CPEB3: variants seen among roughly 807,000 people sequenced by gnomAD.
CPEB3 encodes the protein cytoplasmic polyadenylation element binding protein 3.
Under a neutral mutation model 67.2 loss-of-function variants are expected in CPEB3, and 20 were observed. The ratio of observed to expected loss-of-function variants is 0.30; its 90% CI spans 0.21 to 0.43. The LOEUF is 0.43. Ranked by LOEUF, CPEB3 falls within the 20% of genes least tolerant of loss-of-function variation. The pLI is 1.00. For synonymous variants in CPEB3, 376 were observed against 393.1 expected (o/e 0.96, Z 0.51); for missense variants, 746 against 968.6 (o/e 0.77, Z 3.05).
intron 4 of CPEB3, among the ~76,000 whole-genome samples, chr10:92,155,711 T>C (rs537514475): frequency 2.6e-5 from 4 of 152,300 alleles, no homozygotes; most frequent in Non-Finnish European, 5.9e-5. Flanking sequence ...TCTTCTTCAT[T>C]TACACCTATC....
chr10:92,219,647 AT>A (rs1474108778), intron 2 of CPEB3, among the ~76,000 whole-genome samples: 4 of 152,240 alleles, frequency 2.6e-5, no homozygotes, highest in African/African-American at 9.6e-5. Flanking sequence ...ACCTTGTGTT[AT>A]ACCTGCATGA....
At chr10:92,215,332 T>C (rs1351103295) in intron 2 of CPEB3, among the ~76,000 whole-genome samples, 3 of 149,758 alleles carry the variant, frequency 2.0e-5, no homozygotes, top group Non-Finnish European at 4.4e-5. Context: ...TTTCGCATTT[T>C]TAGTAGAGAT....
chr10:92,181,367 C>CAAAAAAAAAAAAAA (rs55896574), intron 3 of CPEB3, among the ~76,000 whole-genome samples: 1 of 95,424 alleles, frequency 1.0e-5, no homozygotes, highest in African/African-American at 4.3e-5. Context: ...ATTCAAGCAG[C>CAAAAAAAAAAAAAA]AAAAAAAAAA....
intron 1 of CPEB3, among the ~76,000 whole-genome samples, chr10:92,252,896 A>G: frequency 6.6e-6 from 1 of 152,076 alleles, no homozygotes; most frequent in Non-Finnish European, 1.5e-5. Flanking sequence ...GCAAAAAAGT[A>G]TATACTATAT....
intron 4 of CPEB3, among the ~76,000 whole-genome samples, chr10:92,159,180 T>C (rs1374164900): frequency 6.6e-6 from 1 of 152,100 alleles, no homozygotes; most frequent in East Asian, 1.9e-4. Flanking sequence ...GAAGAATTGC[T>C]TCAACCTTGG....
At chr10:92,159,267 T>C (rs1469683246) in intron 4 of CPEB3, among the ~76,000 whole-genome samples, 1 of 146,732 alleles carries the variant, frequency 6.8e-6, no homozygotes, top group East Asian at 2.1e-4. Flanking sequence ...TGTCTCAAAA[T>C]AAATAAGTAA....
chr10:92,183,942 T>A (rs912668527), intron 3 of CPEB3, among the ~76,000 whole-genome samples: 1 of 152,194 alleles, frequency 6.6e-6, no homozygotes, highest in Non-Finnish European at 1.5e-5. Context: ...TTTTACATGT[T>A]CCTATAACTA....
chr10:92,230,350 G>C (rs1851210611), intron 2 of CPEB3, among the ~76,000 whole-genome samples: 1 of 152,178 alleles, frequency 6.6e-6, no homozygotes, highest in Admixed American at 6.5e-5. Flanking sequence ...TACATAATCA[G>C]TACACAATGT....
At chr10:92,289,728 A>AT (rs1554944282) in intron 1 of CPEB3, among the ~76,000 whole-genome samples, 29 of 118,346 alleles carry the variant, frequency 2.5e-4, no homozygotes, top group South Asian at 7.5e-4. Flanking sequence ...CAAAAAAAAA[A>AT]AAAAATATAT....
intron 4 of CPEB3, among the ~76,000 whole-genome samples, chr10:92,169,798 T>A (rs1847920990): frequency 6.6e-6 from 1 of 152,238 alleles, no homozygotes; most frequent in Admixed American, 6.5e-5. Flanking sequence ...TCTTTTTTAT[T>A]CACTCTTTTT....
intron 7 of CPEB3, among the ~76,000 whole-genome samples, chr10:92,094,153 C>T (rs1843748103): frequency 6.6e-6 from 1 of 152,116 alleles, no homozygotes; most frequent in Non-Finnish European, 1.5e-5. Flanking sequence ...CTGTGCCCGG[C>T]CACTTTTCGC....
chr10:92,272,536 T>C (rs1177165420), intron 1 of CPEB3, among the ~76,000 whole-genome samples: 1 of 152,184 alleles, frequency 6.6e-6, no homozygotes, highest in African/African-American at 2.4e-5. Context: ...TGTGTATTGA[T>C]ATCTTCAATT....
Position 92,188,563 on chromosome 10 carries a change from T to C in CPEB3, c.1165+3914A>G, listed in dbSNP as rs550960440. On this transcript the variant is annotated intron_variant, in intron 3 of 9. Coordinates refer to ENST00000265997, the MANE Select transcript of CPEB3 (RefSeq NM_014912.5). ...GGTGAAACCCGTCTCTATTTAAAAA[T>C]ACAAAAATTAGCCGGGTGTGATGGT... Among the ~76,000 whole-genome samples, 8 of 151,834 alleles carry C rather than the reference T, an allele frequency of 5.3e-5. No individual in the cohort carries two copies. In the South Asian group the frequency reaches 1.5e-3, roughly 28 times the overall value.
At chr10:92,165,397 T>C (rs1847688516) in intron 4 of CPEB3, among the ~76,000 whole-genome samples, 1 of 119,100 alleles carries the variant, frequency 8.4e-6, no homozygotes, top group Admixed American at 1.3e-4. Context: ...TTGTCACTTT[T>C]TTCTTCTTTT....
chr10:92,116,397 A>T (rs1355221416), intron 6 of CPEB3, among the ~76,000 whole-genome samples: 2 of 152,076 alleles, frequency 1.3e-5, no homozygotes, highest in African/African-American at 4.8e-5. Context: ...TATTACTGCA[A>T]ACAAACAATA....
chr10:92,148,902 C>CT (rs35237832), intron 4 of CPEB3, among the ~76,000 whole-genome samples: 8,310 of 131,260 alleles, frequency 0.063, 395 homozygotes, highest in Non-Finnish European at 0.095. Flanking sequence ...CTAATACTGG[C>CT]TTTTTTTTTT....
intron 7 of CPEB3, among the ~76,000 whole-genome samples, chr10:92,094,127 T>C (rs1843745424): frequency 6.6e-6 from 1 of 151,902 alleles, no homozygotes; most frequent in Non-Finnish European, 1.5e-5. Flanking sequence ...AGTGCTGGGA[T>C]TACGGGAGCG....
chr10:92,052,155 C>T lies in CPEB3; in HGVS notation c.*57G>A. 1.6e-6 allele frequency: 2 copies of T among 1,233,696 alleles called. No homozygotes were observed. Among genetic ancestry groups the T allele is most frequent in the South Asian group, 1.2e-5 (1 of 80,416 alleles). The allele number at this position is 1,233,696 out of a possible 1,614,324, so 76.4% of individuals were successfully genotyped here. A position where few individuals can be genotyped will look rare whatever the true frequency, so the allele number is the denominator to read the frequency against. On this transcript the variant is annotated 3_prime_UTR_variant, in exon 10 of 10. Coordinates refer to ENST00000265997, the MANE Select transcript of CPEB3 (RefSeq NM_014912.5). ...ACACTGTAAGCCCTGAGGCAGTGCC[C>T]TCTCTTTTCCCTCCTTGTTATCTAC...
chr10:92,052,907 C>G (rs980282389), intron 9 of CPEB3, among the ~76,000 whole-genome samples: 1 of 152,166 alleles, frequency 6.6e-6, no homozygotes, highest in African/African-American at 2.4e-5. Flanking sequence ...AGGCCATAAG[C>G]AGGAGGAGGC....
Sources: gnomAD v4.1 joint callset for allele counts (sites outside exome capture counted in the v4.1 genomes callset) on GRCh38, gnomAD v4.1.1 for gene constraint, MANE v1.5 for transcripts, NCBI Gene and HGNC (gene_info 2026-07-23, HGNC 2026-07-21) for gene names.